PLA2G6: variants seen among roughly 807,000 people sequenced by gnomAD.
The protein encoded by PLA2G6 is 85/88 kDa calcium-independent phospholipase A2.
In PLA2G6, 62 loss-of-function variants were observed where a neutral mutation model predicts 83.8. That is an observed-to-expected ratio of 0.74 (90% CI 0.60 to 0.91). The LOEUF is 0.91. Ranked by LOEUF, PLA2G6 falls within the 40% of genes least tolerant of loss-of-function variation. The pLI, the probability that PLA2G6 is intolerant of heterozygous loss-of-function variation, is 0.00. For missense variants in PLA2G6, 944 were observed against 1,102.0 expected, an observed-to-expected ratio of 0.86 and a Z score of 2.03; for synonymous variants, 417 against 449.8, an observed-to-expected ratio of 0.93 and a Z score of 0.92.
At chr22:38,126,628 C>A (rs1298371030) in intron 9 of PLA2G6, 179 bp from the exon 10 acceptor site, 4 of 635,488 alleles carry the variant, frequency 6.3e-6, no homozygotes, top group Non-Finnish European at 1.2e-5. Context: ...GAAAGCTGAG[C>A]CACAGGCCAC....
chr22:38,179,144 T>C (rs1360137584), intron 1 of PLA2G6, among the ~76,000 whole-genome samples: 1 of 152,006 alleles, frequency 6.6e-6, no homozygotes, highest in Non-Finnish European at 1.5e-5. Flanking sequence ...GTCATATGAA[T>C]AGCTAGGCAA....
intron 1 of PLA2G6, among the ~76,000 whole-genome samples, chr22:38,172,423 T>G (rs531743743): frequency 4.6e-5 from 7 of 152,240 alleles, no homozygotes; most frequent in Non-Finnish European, 2.9e-5. Flanking sequence ...GTAAATATTA[T>G]GCATAGAAAA....
intron 9 of PLA2G6, chr22:38,127,152 C>A: frequency 2.6e-6 from 3 of 1,141,586 alleles, no homozygotes; most frequent in East Asian, 6.2e-5. Context: ...ACTCTGACAG[C>A]CCCCCACCAC....
intron 2 of PLA2G6, 60 bp from the exon 3 acceptor site, chr22:38,145,713 C>T: frequency 2.4e-6 from 3 of 1,232,278 alleles, no homozygotes; most frequent in Non-Finnish European, 3.5e-6. Flanking sequence ...CCTCGGCCCA[C>T]ATCCCTGCTG....
chr22:38,159,683 T>A (rs2089930123), intron 2 of PLA2G6, among the ~76,000 whole-genome samples: 1 of 148,396 alleles, frequency 6.7e-6, no homozygotes, highest in South Asian at 2.1e-4. Flanking sequence ...TGAGCCATGA[T>A]CATGCCACTG....
chr22:38,135,543 CAGTAT>C, intron 5 of PLA2G6: 6 of 171,092 alleles, frequency 3.5e-5, no homozygotes, highest in South Asian at 2.8e-4. Flanking sequence ...CTATAGGAAG[CAGTAT>C]GACAGAGTGG....
chr22:38,145,255 C>T (rs1175926905), intron 3 of PLA2G6, 183 bp downstream of exon 3: 2 of 665,178 alleles, frequency 3.0e-6, no homozygotes, highest in Non-Finnish European at 5.5e-6. Context: ...TCTTGAACTC[C>T]TAGTCTCAAG....
chr22:38,119,702 A>C (rs1256950061), intron 12 of PLA2G6, among the ~76,000 whole-genome samples: 1 of 152,096 alleles, frequency 6.6e-6, no homozygotes, highest in Non-Finnish European at 1.5e-5. Flanking sequence ...AGTCCCAGGC[A>C]CTCAGGCGGC....
intron 1 of PLA2G6, among the ~76,000 whole-genome samples, chr22:38,171,218 G>A (rs1379768924): frequency 5.3e-5 from 8 of 151,610 alleles, no homozygotes; most frequent in Non-Finnish European, 1.2e-4. Context: ...AAAGTTCGCA[G>A]TGTCCCATTA....
chr22:38,132,898 A>T lies in PLA2G6; in HGVS notation c.1010T>A (p.Leu337Gln). The T allele has an allele frequency of 6.4e-7, 1 of 1,555,990 alleles. No homozygotes were observed. The highest frequency in any genetic ancestry group is 8.7e-7 in the Non-Finnish European group (1 of 1,150,368). The change falls in exon 7 of 17, where the codon CTG becomes CAG. Residue 337 changes from leucine (L) to glutamine (Q), a missense_variant. Transcript: ENST00000332509. The surrounding 1 kb of genome is among the most constrained non-coding windows in gnomAD (Gnocchi z 5.0). ...RNRFDCAIVL[L>Q]THGANADARG... is the part of the protein sequence containing the mutation. ...GGCATCCGCGTTGGCCCCGTGGGTC[A>T]GCAGCACTATGGCACAGTCGAAGCG...
At chr22:38,172,682 G>A (rs2090480904) in intron 1 of PLA2G6, among the ~76,000 whole-genome samples, 2 of 152,250 alleles carry the variant, frequency 1.3e-5, no homozygotes, top group South Asian at 2.1e-4. Context: ...CCCCGAGGAC[G>A]GGCCCACAGG....
At chr22:38,148,789 G>T (rs2089406993) in intron 2 of PLA2G6, 2 of 384,468 alleles carry the variant, frequency 5.2e-6, no homozygotes, top group South Asian at 1.1e-4. Context: ...GGTTATCCTA[G>T]TTGCAATGGG....
At chr22:38,135,124 G>A (rs754159113) in intron 5 of PLA2G6, 40 bp from the exon 6 acceptor site, 1 of 1,378,446 alleles carries the variant, frequency 7.3e-7, no homozygotes, top group Non-Finnish European at 1.0e-6. Context: ...CAGAAGCTAG[G>A]GTCTGCGTGG....
chr22:38,115,980 GAGGGTGCCTGATGGC>G, intron 13 of PLA2G6, 80 bp downstream of exon 13: 1 of 1,517,632 alleles, frequency 6.6e-7, no homozygotes, highest in East Asian at 2.3e-5. Flanking sequence ...GTGGCACGGT[GAGGGTGCCTGATGGC>G]AAGTGCACGA....
In PLA2G6 at chr22:38,126,417, G is replaced by C. The variant is rs76718524; in HGVS notation, c.1381C>G (p.Arg461Gly). 12 of 1,613,464 alleles carry C rather than the reference G, an allele frequency of 7.4e-6. No homozygotes were observed. The highest frequency in any genetic ancestry group is 1.0e-5 in the Non-Finnish European group (12 of 1,179,904). ...GAGCCCAGGATGAACGCTGGCTTCC[G>C]GGCCCGTGAGATGTGCATGAGATCC... The part of the protein sequence containing the change: ...LQDLMHISRA[R>G]KPAFILGSMR... Residue 461 changes from arginine to glycine, a missense_variant, in exon 10 of 17, where the codon CGG becomes GGG. Arg to Gly is a moderately radical substitution (Grantham distance 125). Transcript: ENST00000332509.
chr22:38,166,329 A>G (rs1272385775), intron 2 of PLA2G6, among the ~76,000 whole-genome samples: 1 of 152,170 alleles, frequency 6.6e-6, no homozygotes, highest in Non-Finnish European at 1.5e-5. Flanking sequence ...CAATGATGCT[A>G]TCTGCTGAAA....
chr22:38,172,995 G>A (rs1336604867), intron 1 of PLA2G6, among the ~76,000 whole-genome samples: 1 of 152,194 alleles, frequency 6.6e-6, no homozygotes, highest in African/African-American at 2.4e-5. Context: ...GGCCGACTGT[G>A]GGCACACAAA....
Position 38,111,760 on chromosome 22 carries a change from C to T in PLA2G6, c.*401G>A. On this transcript the variant is annotated 3_prime_UTR_variant, in exon 17 of 17. Transcript: ENST00000332509. The stretch of plus-strand genomic sequence containing the variant: ...GAGGGCAGAGGGAGTGGGCTGCACC[C>T]ACCAGGAAGCCTGGGAGTGCCCTTG... The T allele has an allele frequency of 2.9e-6, 1 of 344,438 alleles. No individual in the cohort carries two copies. The highest frequency in any genetic ancestry group is 2.3e-5 in the South Asian group (1 of 42,848). The allele number at this position is 344,438 out of a possible 1,614,324, so 21.3% of individuals were successfully genotyped here. A position where few individuals can be genotyped will look rare whatever the true frequency, so the allele number is the denominator to read the frequency against.
chr22:38,150,810 G>A (rs1027268058), intron 2 of PLA2G6, among the ~76,000 whole-genome samples: 2 of 152,224 alleles, frequency 1.3e-5, no homozygotes, highest in African/African-American at 4.8e-5. Flanking sequence ...ATGCTGGCCA[G>A]GCACGGCGGC....
Sources: allele counts gnomAD v4.1 joint callset (sites outside exome capture counted in the v4.1 genomes callset), GRCh38; gene constraint gnomAD v4.1.1; non-coding constraint Gnocchi (gnomAD v3.1); transcripts MANE v1.5; gene names NCBI Gene and HGNC (gene_info 2026-07-23, HGNC 2026-07-21).